TMEM151B: variants seen among roughly 807,000 people sequenced by gnomAD.
TMEM151B encodes the protein transmembrane protein 193.
TMEM151B carries 18 observed loss-of-function variants against 33.0 expected under a neutral mutation model. The observed-to-expected ratio is 0.55, with a 90% CI of 0.38 to 0.81. TMEM151B has a LOEUF of 0.81. Ranked by LOEUF, TMEM151B falls within the 30% of genes least tolerant of loss-of-function variation. TMEM151B has a pLI of 0.00. For missense variants in TMEM151B, 672 were observed against 843.4 expected, an observed-to-expected ratio of 0.80 and a Z score of 2.52; for synonymous variants, 354 against 373.6, an observed-to-expected ratio of 0.95 and a Z score of 0.61.
intron 2 of TMEM151B, among the ~76,000 whole-genome samples, chr6:44,274,672 C>T (rs1286187139): frequency 6.6e-6 from 1 of 152,030 alleles, no homozygotes; most frequent in African/African-American, 2.4e-5. Flanking sequence ...TTGGGAAACA[C>T]AATTGTAAAA....
chr6:44,272,343 G>T (rs529873862), intron 1 of TMEM151B, among the ~76,000 whole-genome samples: 2 of 151,996 alleles, frequency 1.3e-5, no homozygotes, highest in South Asian at 2.1e-4. Flanking sequence ...TCCCATCCTA[G>T]GACAAAGGGA....
chr6:44,273,331 G>A lies in TMEM151B; in HGVS notation c.401G>A (p.Cys134Tyr). ...YAVYLVECWH[C>Y]QARHELQHRV... ...GTCTACCTGGTGGAGTGTTGGCACT[G>A]CCAAGCCCGCCATGAGCTGCAGCAC... Residue 134 changes from cysteine (C) to tyrosine (Y), a missense_variant, in exon 2 of 3, where the codon TGC becomes TAC. Transcript: ENST00000451188. 1.3e-6 allele frequency: 2 copies of A among 1,551,422 alleles called. No homozygotes were observed. The highest frequency in any genetic ancestry group is 1.7e-6 in the Non-Finnish European group (2 of 1,147,006).
chr6:44,276,702 A>G lies in TMEM151B; in HGVS notation c.*175A>G. 8.2e-7 allele frequency: 1 copy of G among 1,219,164 alleles called. No individual in the cohort carries two copies. Among genetic ancestry groups the G allele is most frequent in the Non-Finnish European group, 1.0e-6 (1 of 973,606 alleles). 75.5% of individuals were successfully genotyped at this position (1,219,164 alleles called of 1,614,324 possible). A position where few individuals can be genotyped will look rare whatever the true frequency, so the allele number is the denominator to read the frequency against. ...GGGCCGAGACCCCCGCTGTCCCTGT[A>G]CATAAAGAGACCGATGGGTGGGAGG... On this transcript the variant is annotated 3_prime_UTR_variant, in exon 3 of 3. Coordinates refer to ENST00000451188, the MANE Select transcript of TMEM151B (RefSeq NM_001137560.2).
Position 44,276,646 on chromosome 6 carries a change from G to T in TMEM151B, c.*119G>T. The T allele has an allele frequency of 7.8e-7, 1 of 1,284,132 alleles. No homozygotes were observed. Among genetic ancestry groups the T allele is most frequent in the Non-Finnish European group, 9.8e-7 (1 of 1,016,340 alleles). The allele number at this position is 1,284,132 out of a possible 1,614,324, so 79.5% of individuals were successfully genotyped here. The stretch of plus-strand genomic sequence containing the variant: ...GAGGCCGCGCGGGGGGCAGGGAAAG[G>T]GAGGTGAGGGCCGCAAGACAGGCCC... On this transcript the variant is annotated 3_prime_UTR_variant, in exon 3 of 3. Coordinates refer to ENST00000451188, the MANE Select transcript of TMEM151B (RefSeq NM_001137560.2).
chr6:44,276,021 G>T lies in TMEM151B; in HGVS notation c.1195G>T (p.Gly399Trp). Residue 399 changes from glycine to tryptophan, a missense_variant, in exon 3 of 3, where the codon GGG becomes TGG. Around this residue, in one of 3 missense-constraint regions of TMEM151B, gnomAD observed 324 missense variants for 363.1 expected, o/e 0.89. Coordinates refer to ENST00000451188, the MANE Select transcript of TMEM151B (RefSeq NM_001137560.2). ...EAVLMDLAGL[G>W]TRCGGAGGGY... ...GGTGCTCATGGACCTGGCGGGGCTC[G>T]GGACGCGCTGCGGCGGGGCAGGCGG... 1 of 1,352,398 alleles carries T rather than the reference G, an allele frequency of 7.4e-7. No homozygotes were observed. 83.8% of individuals were successfully genotyped at this position (1,352,398 alleles called of 1,614,324 possible).
Position 44,275,962 on chromosome 6 carries a change from C to T in TMEM151B, c.1136C>T (p.Ser379Phe). 19 of 1,466,938 alleles carry T rather than the reference C, an allele frequency of 1.3e-5. No homozygotes were observed. The highest frequency in any genetic ancestry group is 1.7e-5 in the Non-Finnish European group (19 of 1,104,958). 90.9% of individuals were successfully genotyped at this position (1,466,938 alleles called of 1,614,324 possible). Residue 379 changes from serine to phenylalanine, a missense_variant, in exon 3 of 3, where the codon TCC becomes TTC. Transcript: ENST00000451188. ...ACGGAGCTCGAGTGGCACATCCGCT[C>T]CAACCAGCAGCTGGTGCCCAGCTAC... is the stretch of plus-strand genomic sequence containing the variant. ...DSTELEWHIRSNQQLVPSYSE... is the reference protein window; with the variant it reads ...DSTELEWHIRFNQQLVPSYSE...
At chr6:44,272,951 C>G in intron 1 of TMEM151B, 115 bp from the exon 2 acceptor site, 1 of 879,606 alleles carries the variant, frequency 1.1e-6, no homozygotes, top group Admixed American at 2.9e-5. Context: ...TTCTCTCTGC[C>G]TGTTATCTCT....
rs552617598 is a variant in TMEM151B at position 44,273,479 on chromosome 6, C to T, written c.549C>T (p.Arg183=). The T allele has an allele frequency of 1.7e-5, 26 of 1,549,796 alleles. No individual in the cohort carries two copies. Among genetic ancestry groups the T allele is most frequent in the Non-Finnish European group, 2.0e-5 (23 of 1,146,094 alleles). ...VRRTRQVTRY[R]NGDAYTTTQV... Reference sequence around the variant, plus strand: ...GCACCCGCCAGGTCACCAGATACCGCAATGGAGACGCCTATACCACCACCC... The same window carrying T: ...GCACCCGCCAGGTCACCAGATACCGTAATGGAGACGCCTATACCACCACCC... The change falls in exon 2 of 3, where the codon CGC becomes CGT. Residue 183 remains arginine, a synonymous_variant. Transcript: ENST00000451188.
rs548321933 is a variant in TMEM151B, at chr6:44,276,729, G to T, written c.*202G>T. On this transcript the variant is annotated 3_prime_UTR_variant, in exon 3 of 3. Transcript: ENST00000451188. The stretch of plus-strand genomic sequence containing the variant: ...ATAAAGAGACCGATGGGTGGGAGGG[G>T]GTCGGCTGCTCCCCGAGATCCCCCT... The T allele has an allele frequency of 3.5e-5, 39 of 1,129,914 alleles. No homozygotes were observed. Among genetic ancestry groups the T allele is most frequent in the Non-Finnish European group, 4.0e-5 (36 of 895,662 alleles). 70.0% of individuals were successfully genotyped at this position (1,129,914 alleles called of 1,614,324 possible).
In TMEM151B at chr6:44,275,387, GC is replaced by G. The variant is rs1381693279; in HGVS notation, c.577-10del. The G allele has an allele frequency of 2.7e-6, 4 of 1,481,196 alleles. No individual in the cohort carries two copies. The highest frequency in any genetic ancestry group is 9.0e-7 in the Non-Finnish European group (1 of 1,114,008). 91.8% of individuals were successfully genotyped at this position (1,481,196 alleles called of 1,614,324 possible). A position where few individuals can be genotyped will look rare whatever the true frequency, so the allele number is the denominator to read the frequency against. ...CGGGCTCCCCGCGACCCCGCCGCCT[GC>G]CCCCCGCGCCGCAGGTCTACCACGA... is the stretch of plus-strand genomic sequence containing the variant. On this transcript the variant is annotated splice_polypyrimidine_tract_variant and intron_variant, in intron 2 of 2. Coordinates refer to ENST00000451188, the MANE Select transcript of TMEM151B (RefSeq NM_001137560.2).
intron 1 of TMEM151B, 96 bp from the exon 2 acceptor site, chr6:44,272,970 C>T: frequency 9.5e-7 from 1 of 1,054,472 alleles, no homozygotes; most frequent in East Asian, 2.6e-5. Flanking sequence ...CTGGTGCTGG[C>T]CTCTGCCCCT....
rs1324981206 is a variant in TMEM151B, at chr6:44,276,640, G to A, written c.*113G>A. The A allele has an allele frequency of 3.1e-6, 4 of 1,284,776 alleles. No homozygotes were observed. Among genetic ancestry groups the A allele is most frequent in the Non-Finnish European group, 3.0e-6 (3 of 1,016,622 alleles). 79.6% of individuals were successfully genotyped at this position (1,284,776 alleles called of 1,614,324 possible). A position where few individuals can be genotyped will look rare whatever the true frequency, so the allele number is the denominator to read the frequency against. ...GTGACTGAGGCCGCGCGGGGGGCAG[G>A]GAAAGGGAGGTGAGGGCCGCAAGAC... On this transcript the variant is annotated 3_prime_UTR_variant, in exon 3 of 3. Coordinates refer to ENST00000451188, the MANE Select transcript of TMEM151B (RefSeq NM_001137560.2).
chr6:44,271,329 G>T (rs1319700093), intron 1 of TMEM151B, among the ~76,000 whole-genome samples: 1 of 139,938 alleles, frequency 7.1e-6, no homozygotes, highest in Non-Finnish European at 1.5e-5. Context: ...TGTACGGGGG[G>T]TCCCGCCTGT....
In TMEM151B at chr6:44,277,464, C is replaced by T. The variant is rs1359092659; in HGVS notation, c.*937C>T. The T allele has an allele frequency of 6.6e-6, 1 of 152,392 alleles. No homozygotes were observed. The highest frequency in any genetic ancestry group is 1.5e-5 in the Non-Finnish European group (1 of 68,182). The allele number at this position is 152,392 out of a possible 1,614,324, so 9.4% of individuals were successfully genotyped here. On this transcript the variant is annotated 3_prime_UTR_variant, in exon 3 of 3. Transcript: ENST00000451188. The stretch of plus-strand genomic sequence containing the variant: ...TAAGGGGAGAGAGCATGACATAGAC[C>T]TGGGTGGCAACGGGGACCTCTGGAA...
chr6:44,273,384 C>A lies in TMEM151B; in HGVS notation c.454C>A (p.Arg152Ser), dbSNP rs1203871431. 1.4e-5 allele frequency: 22 copies of A among 1,551,244 alleles called. No homozygotes were observed. The highest frequency in any genetic ancestry group is 3.6e-5 in the South Asian group (3 of 84,072). ...TGTTGATGTGAGCAGTGTGCGGGAACGTGTGGGCCGCATGCAGCAAGCCAC... is the reference window on the plus strand; with the variant it reads ...TGTTGATGTGAGCAGTGTGCGGGAAAGTGTGGGCCGCATGCAGCAAGCCAC... ...HRVDVSSVRE[R>S]VGRMQQATPC... Residue 152 changes from arginine (R) to serine (S), a missense_variant, in exon 2 of 3, where the codon CGT becomes AGT. Arg to Ser is a moderately radical substitution (Grantham distance 110). Coordinates refer to ENST00000451188, the MANE Select transcript of TMEM151B (RefSeq NM_001137560.2).
rs1782591576 is a variant in TMEM151B, at chr6:44,276,404, G to A, written c.1578G>A (p.Pro526=). The change falls in exon 3 of 3, where the codon CCG becomes CCA. Residue 526 remains proline, a synonymous_variant. Coordinates refer to ENST00000451188, the MANE Select transcript of TMEM151B (RefSeq NM_001137560.2). ...ACGACGACGAGGAGGAGGCCGGGCC[G>A]CCGCCGCCCTACCACGACGCCCTCT... ...DEDDDEEEAG[P]PPPYHDALYF... is the part of the protein sequence containing the mutation. 1.3e-6 allele frequency: 2 copies of A among 1,513,000 alleles called. No individual in the cohort carries two copies. Among genetic ancestry groups the A allele is most frequent in the Non-Finnish European group, 1.8e-6 (2 of 1,135,890 alleles). 93.7% of individuals were successfully genotyped at this position (1,513,000 alleles called of 1,614,324 possible).
At chr6:44,273,552 CACTT>C in intron 2 of TMEM151B, 46 bp downstream of exon 2, 2 of 1,496,230 alleles carry the variant, frequency 1.3e-6, no homozygotes, top group South Asian at 2.6e-5. Context: ...TGGGAGGTGG[CACTT>C]ACGTGCTGCC....
chr6:44,270,988 C>T (rs1782310460), intron 1 of TMEM151B, 111 bp downstream of exon 1: 1 of 756,870 alleles, frequency 1.3e-6, no homozygotes, highest in Non-Finnish European at 1.6e-6. Context: ...GCCCCGCACC[C>T]CGAGCCGGCC....
intron 2 of TMEM151B, 135 bp from the exon 3 acceptor site, chr6:44,275,268 G>A (rs375708345): frequency 6.4e-6 from 9 of 1,417,080 alleles, no homozygotes; most frequent in Non-Finnish European, 1.8e-6. Flanking sequence ...AGCTCCAGCC[G>A]GCACCTAAAC....
Sources: allele counts gnomAD v4.1 joint callset (sites outside exome capture counted in the v4.1 genomes callset), GRCh38; gene constraint gnomAD v4.1.1; regional missense constraint gnomAD v4.1.1; transcripts MANE v1.5; gene names NCBI Gene and HGNC (gene_info 2026-07-23, HGNC 2026-07-21).